MAX: variants seen among roughly 807,000 people sequenced by gnomAD.
MAX encodes the protein protein max.
A neutral mutation model predicts 22.3 loss-of-function variants in MAX; 3 were observed. The observed-to-expected ratio is 0.13, with a 90% CI of 0.06 to 0.35. MAX has a LOEUF of 0.35. MAX is among the 10% of genes least tolerant of loss of function. MAX has a pLI of 1.00. For missense variants in MAX, 119 were observed against 209.4 expected, an observed-to-expected ratio of 0.57 and a Z score of 2.66; for synonymous variants, 72 against 77.7, an observed-to-expected ratio of 0.93 and a Z score of 0.39.
chr14:65,037,346 G>A lies in MAX; in HGVS notation c.172-31062C>T, dbSNP rs145164527. Among the ~76,000 whole-genome samples, 458 of 133,744 alleles carry A rather than the reference G, an allele frequency of 3.4e-3. 4 individuals carry two copies. Among genetic ancestry groups the A allele is most frequent in the African/African-American group, 0.011 (403 of 35,660 alleles). The allele number at this position is 133,744 out of a possible 152,430, so 87.7% of individuals were successfully genotyped here. ...CTCGAACTCCTGACCTCAAGTGATC[G>A]CCTGCCTCGGCCTCCCAAAGTGCTG... On this transcript the variant is annotated intron_variant, in intron 3 of 3. Coordinates refer to the MAX transcript ENST00000341653.
At position 65,027,231 on chromosome 14, in the gene MAX, G is replaced by A. The variant is rs140317821; in HGVS notation, c.172-20947C>T. 1.3e-3 allele frequency among the ~76,000 whole-genome samples: 194 copies of A among 152,310 alleles called. 1 individual carries two copies. The highest frequency in any genetic ancestry group is 4.6e-3 in the African/African-American group (191 of 41,568). ...GTTCCCTGCTTCATGACCAACAAGC[G>A]CTTAAGTACGAAACTCAGAGGAGGG... is the stretch of plus-strand genomic sequence containing the variant. On this transcript the variant is annotated intron_variant, in intron 3 of 3. Transcript: ENST00000341653. This position sits in a 1 kb window ranked among gnomAD's most constrained non-coding sequence, Gnocchi z 5.7.
At chr14:65,067,492 G>A (rs1344381317) in intron 3 of MAX, among the ~76,000 whole-genome samples, 1 of 152,020 alleles carries the variant, frequency 6.6e-6, no homozygotes, top group Non-Finnish European at 1.5e-5. Context: ...GACTCCTCTT[G>A]GTTTTGACGG....
At chr14:65,053,228 C>G in intron 3 of MAX, 1 of 1,368,100 alleles carries the variant, frequency 7.3e-7, no homozygotes, top group Non-Finnish European at 9.5e-7. Flanking sequence ...GACCCTTTGC[C>G]CTTCAACAGG....
intron 3 of MAX, among the ~76,000 whole-genome samples, chr14:65,048,506 A>T (rs1381196249): frequency 6.6e-6 from 1 of 152,180 alleles, no homozygotes; most frequent in Non-Finnish European, 1.5e-5. Context: ...CATGCCATTG[A>T]CTACCTTCTA....
chr14:65,021,026 G>A (rs2061877053), intron 3 of MAX, among the ~76,000 whole-genome samples: 1 of 152,140 alleles, frequency 6.6e-6, no homozygotes, highest in Non-Finnish European at 1.5e-5. Context: ...CACCGCACCC[G>A]GCCTAGCTTC....
At chr14:65,022,955 T>G (rs1395258434) in intron 3 of MAX, among the ~76,000 whole-genome samples, 1 of 152,212 alleles carries the variant, frequency 6.6e-6, no homozygotes, top group Non-Finnish European at 1.5e-5. Flanking sequence ...TGTTTTATTC[T>G]TATTGGTTTC....
intron 3 of MAX, among the ~76,000 whole-genome samples, chr14:65,013,337 T>TC (rs397771332): frequency 5.3e-5 from 8 of 151,516 alleles, no homozygotes; most frequent in African/African-American, 1.7e-4. Flanking sequence ...TTTTTTTTTT[T>TC]CTTCCTCCAA....
At chr14:65,052,804 G>T (rs1358619181) in intron 3 of MAX, among the ~76,000 whole-genome samples, 19 of 152,200 alleles carry the variant, frequency 1.2e-4, no homozygotes, top group Admixed American at 1.2e-3. Context: ...CCCATTAAGA[G>T]TTCTCTGAGC....
chr14:65,056,293 G>T (rs772065223), intron 3 of MAX, among the ~76,000 whole-genome samples: 1 of 152,068 alleles, frequency 6.6e-6, no homozygotes, highest in Non-Finnish European at 1.5e-5. Context: ...ATGTACCCCA[G>T]TGTGTTTCTC....
chr14:65,058,460 C>T (rs1366400040), intron 3 of MAX, among the ~76,000 whole-genome samples: 1 of 151,980 alleles, frequency 6.6e-6, no homozygotes, highest in Non-Finnish European at 1.5e-5. Context: ...TTTTATTTTT[C>T]TTGCCTTGTA....
rs1030157115 is a variant in MAX at position 65,077,813 on chromosome 14, C to T, written c.295+100G>A. 5 of 1,614,064 alleles carry T rather than the reference C, an allele frequency of 3.1e-6. No homozygotes were observed. The highest frequency in any genetic ancestry group is 3.3e-5 in the Admixed American group (2 of 60,010). ...GCAGGACCAAGCCTGCTACTGAGCA[C>T]ATACTCCATGACTGGCTCTGACTCT... is the stretch of plus-strand genomic sequence containing the variant. On this transcript the variant is annotated intron_variant, in intron 4 of 4. Coordinates refer to ENST00000358664, the MANE Select transcript of MAX (RefSeq NM_002382.5). The surrounding 1 kb of genome is among the most constrained non-coding windows in gnomAD (Gnocchi z 6.3).
intron 3 of MAX, among the ~76,000 whole-genome samples, chr14:65,046,508 T>TA (rs2062481612): frequency 6.6e-6 from 1 of 152,216 alleles, no homozygotes; most frequent in South Asian, 2.1e-4. Flanking sequence ...GCACATGTTC[T>TA]AGGGGGCTTA....
rs762083594 is a variant in MAX, at chr14:65,044,810, C to A, written c.172-38526G>T. 2 of 202,906 alleles carry A rather than the reference C, an allele frequency of 9.9e-6. No homozygotes were observed. Among genetic ancestry groups the A allele is most frequent in the Non-Finnish European group, 2.0e-5 (2 of 101,134 alleles). The allele number at this position is 202,906 out of a possible 1,614,324, so 12.6% of individuals were successfully genotyped here. On this transcript the variant is annotated intron_variant, in intron 3 of 3. Transcript: ENST00000341653. The surrounding 1 kb of genome is among the most constrained non-coding windows in gnomAD (Gnocchi z 5.5). The stretch of plus-strand genomic sequence containing the variant: ...TGGGTGCAGGGCAGAGCTGAAAACC[C>A]TCAGTGTTGCAACAGTCACTGTTGC...
intron 3 of MAX, among the ~76,000 whole-genome samples, chr14:65,026,392 G>A (rs932092085): frequency 6.6e-6 from 1 of 152,202 alleles, no homozygotes; most frequent in Non-Finnish European, 1.5e-5. Context: ...CCCTCAGTGA[G>A]GGAATGGGAG....
chr14:65,013,490 T>C (rs11627382), intron 3 of MAX, among the ~76,000 whole-genome samples: 42,808 of 152,072 alleles, frequency 0.28, 6,084 homozygotes, highest in South Asian at 0.32. Context: ...AATAGTTATG[T>C]TACAGTTGGT....
At chr14:65,041,609 C>G (rs1310007778) in intron 3 of MAX, among the ~76,000 whole-genome samples, 3 of 152,198 alleles carry the variant, frequency 2.0e-5, no homozygotes, top group African/African-American at 7.2e-5. Context: ...ACCTCCTCTC[C>G]CTGAGTTCAG....
chr14:65,076,230 A>G lies in MAX; in HGVS notation c.*246T>C. 7.0e-7 allele frequency: 1 copy of G among 1,425,176 alleles called. No homozygotes were observed. Among genetic ancestry groups the G allele is most frequent in the Non-Finnish European group, 9.1e-7 (1 of 1,095,478 alleles). The allele number at this position is 1,425,176 out of a possible 1,614,324, so 88.3% of individuals were successfully genotyped here. A position where few individuals can be genotyped will look rare whatever the true frequency, so the allele number is the denominator to read the frequency against. ...TGCCAAGTTGGGGTGTTTTGGTTTA[A>G]AAATTCCTGTTGGGGACAGGGAATC... On this transcript the variant is annotated 3_prime_UTR_variant, in exon 5 of 5. Coordinates refer to ENST00000358664, the MANE Select transcript of MAX (RefSeq NM_002382.5). This position sits in a 1 kb window ranked among gnomAD's most constrained non-coding sequence, Gnocchi z 6.6.
At position 65,076,008 on chromosome 14, in the gene MAX, C is replaced by T. The variant is rs2063047646; in HGVS notation, c.*468G>A. Reference sequence around the variant, plus strand: ...AGGAGGAGGGTTCATTCTGATTACTCCAAACCGGTCATCTTCTCAAAGTAG... The same window carrying T: ...AGGAGGAGGGTTCATTCTGATTACTTCAAACCGGTCATCTTCTCAAAGTAG... On this transcript the variant is annotated 3_prime_UTR_variant, in exon 5 of 5. Transcript: ENST00000358664. The surrounding 1 kb of genome is among the most constrained non-coding windows in gnomAD (Gnocchi z 6.6). 1 of 1,103,190 alleles carries T rather than the reference C, an allele frequency of 9.1e-7. No homozygotes were observed. Among genetic ancestry groups the T allele is most frequent in the African/African-American group, 1.6e-5 (1 of 61,894 alleles). The allele number at this position is 1,103,190 out of a possible 1,614,324, so 68.3% of individuals were successfully genotyped here.
At chr14:65,068,425 ACT>A (rs940782876) in intron 3 of MAX, among the ~76,000 whole-genome samples, 4 of 151,828 alleles carry the variant, frequency 2.6e-5, no homozygotes, top group African/African-American at 9.7e-5. Flanking sequence ...ACAGCGTGAG[ACT>A]CTGTCTCAAA....
Sources: gnomAD v4.1 joint callset for allele counts (sites outside exome capture counted in the v4.1 genomes callset) on GRCh38, gnomAD v4.1.1 for gene constraint, Gnocchi (gnomAD v3.1) non-coding constraint, MANE v1.5 for transcripts, NCBI Gene and HGNC (gene_info 2026-07-23, HGNC 2026-07-21) for gene names.